The following CSMD1 variants were observed in gnomAD, a reference collection of about 807,000 sequenced individuals.
CSMD1 encodes the protein CUB and Sushi multiple domains 1, also known as CUB and sushi domain-containing protein 1.
CSMD1 carries 213 observed loss-of-function variants against 417.5 expected under a neutral mutation model. That is an observed-to-expected ratio of 0.51 (90% CI 0.46 to 0.57). The LOEUF (loss-of-function observed/expected upper bound fraction) is 0.57. Ranked by LOEUF, CSMD1 falls within the 20% of genes least tolerant of loss-of-function variation. The probability of loss-of-function intolerance (pLI) is 0.00; values close to 1 mark genes in which losing one functional copy is unlikely to be tolerated. For synonymous variants in CSMD1, 2,862 were observed against 1,736.8 expected (o/e 1.65, Z -16.11); for missense variants, 6,923 against 4,529.7 (o/e 1.53, Z -15.17).
intron 6 of CSMD1, among the ~76,000 whole-genome samples, chr8:3,720,898 C>A (rs1209931878): frequency 6.6e-6 from 1 of 152,076 alleles, no homozygotes; most frequent in Admixed American, 6.5e-5. Flanking sequence ...TGCATGCAAC[C>A]TCCGCTTCCC....
chr8:3,552,793 A>G (rs933552212), intron 10 of CSMD1, among the ~76,000 whole-genome samples: 2 of 152,206 alleles, frequency 1.3e-5, no homozygotes, highest in African/African-American at 4.8e-5. Context: ...AATACAGAAG[A>G]CTAAGAACCA....
At chr8:4,963,732 C>T (rs1809670678) in intron 1 of CSMD1, among the ~76,000 whole-genome samples, 1 of 152,148 alleles carries the variant, frequency 6.6e-6, no homozygotes, top group African/African-American at 2.4e-5. Context: ...TTTTAACACT[C>T]AACTCAAGTT....
chr8:3,928,666 G>A (rs986270221), intron 5 of CSMD1, among the ~76,000 whole-genome samples: 1 of 142,918 alleles, frequency 7.0e-6, no homozygotes, highest in Admixed American at 6.7e-5. Flanking sequence ...GTTTAAAGAA[G>A]GTATAGATTT....
rs576143884 is a variant in CSMD1 at position 4,715,708 on chromosome 8, C to A, written c.86-78150G>T. ...CCCTTCTAGGCGTTCAACTCAAACA[C>A]CAAGGTATCACCCTCAGCCCCTCTC... is the stretch of plus-strand genomic sequence containing the variant. On this transcript the variant is annotated intron_variant, in intron 1 of 69. Transcript: ENST00000635120. Among the ~76,000 whole-genome samples, 8 of 152,238 alleles carry A rather than the reference C, an allele frequency of 5.3e-5. No individual in the cohort carries two copies. The East Asian group carries it at 1.5e-3, about 29-fold the overall frequency.
intron 23 of CSMD1, among the ~76,000 whole-genome samples, chr8:3,313,290 G>C (rs10217058): frequency 6.6e-6 from 1 of 151,978 alleles, no homozygotes; most frequent in East Asian, 1.9e-4. Flanking sequence ...AAACTAACGA[G>C]GTTCTGCACA....
chr8:3,138,290 G>A (rs867525099), intron 41 of CSMD1, among the ~76,000 whole-genome samples: 1 of 152,168 alleles, frequency 6.6e-6, no homozygotes, highest in Admixed American at 6.5e-5. Flanking sequence ...TCTGGTTCCA[G>A]GTTGGGATGG....
intron 2 of CSMD1, among the ~76,000 whole-genome samples, chr8:4,505,608 A>G (rs1416042521): frequency 6.6e-6 from 1 of 152,124 alleles, no homozygotes; most frequent in African/African-American, 2.4e-5. Flanking sequence ...TGTGCTTTTC[A>G]GAGAGAAGTT....
intron 1 of CSMD1, among the ~76,000 whole-genome samples, chr8:4,956,299 C>T (rs1809106809): frequency 6.6e-6 from 1 of 151,502 alleles, no homozygotes; most frequent in African/African-American, 2.4e-5. Flanking sequence ...AATTTTAAAA[C>T]ATTTAATAGC....
At chr8:2,951,077 C>T in intron 66 of CSMD1, 37 bp downstream of exon 66, 3 of 1,592,296 alleles carry the variant, frequency 1.9e-6, no homozygotes, top group Non-Finnish European at 2.6e-6. Context: ...TCTATTTCTG[C>T]TCACACCATG....
intron 10 of CSMD1, among the ~76,000 whole-genome samples, chr8:3,509,522 G>A (rs1016836152): frequency 2.0e-5 from 3 of 152,120 alleles, no homozygotes; most frequent in Non-Finnish European, 4.4e-5. Context: ...GAAGAAGGTA[G>A]GCTATTCTAC....
chr8:3,845,265 T>C lies in CSMD1; in HGVS notation c.819-91223A>G, dbSNP rs182082420. 5.9e-5 allele frequency among the ~76,000 whole-genome samples: 9 copies of C among 152,310 alleles called. No individual in the cohort carries two copies. In the East Asian group the frequency reaches 1.5e-3, roughly 26 times the overall value. ...AACACATAGTTTGCTGATTTGTCCT[T>C]GTGCAAATATCGTAGAGTGAACTCA... On this transcript the variant is annotated intron_variant, in intron 5 of 69. Transcript: ENST00000635120.
intron 5 of CSMD1, among the ~76,000 whole-genome samples, chr8:3,966,901 T>G (rs765573440): frequency 2.6e-5 from 4 of 152,238 alleles, no homozygotes; most frequent in Admixed American, 6.5e-5. Context: ...TCAGTATGAC[T>G]TGAATGCCGA....
intron 10 of CSMD1, among the ~76,000 whole-genome samples, chr8:3,565,543 T>G (rs1014104713): frequency 6.6e-6 from 1 of 152,232 alleles, no homozygotes; most frequent in Non-Finnish European, 1.5e-5. Flanking sequence ...GGTTTCTATG[T>G]TAACCTTTTA....
chr8:4,574,718 C>T (rs528288832), intron 2 of CSMD1, among the ~76,000 whole-genome samples: 4 of 152,210 alleles, frequency 2.6e-5, no homozygotes, highest in Non-Finnish European at 5.9e-5. Flanking sequence ...CTTTTCAAAA[C>T]TAACCATAGA....
chr8:2,994,761 T>C (rs1275402509), intron 54 of CSMD1, among the ~76,000 whole-genome samples: 1 of 152,202 alleles, frequency 6.6e-6, no homozygotes, highest in East Asian at 1.9e-4. Flanking sequence ...ATTTTTAATT[T>C]TTTTATTTTG....
chr8:3,564,462 C>G (rs555241545), intron 10 of CSMD1, among the ~76,000 whole-genome samples: 76 of 150,522 alleles, frequency 5.0e-4, no homozygotes, highest in Middle Eastern at 3.4e-3. Flanking sequence ...TAACACTTTA[C>G]GTTGTACACT....
chr8:4,200,573 C>A (rs1389265089), intron 3 of CSMD1, among the ~76,000 whole-genome samples: 1 of 149,368 alleles, frequency 6.7e-6, no homozygotes, highest in Non-Finnish European at 1.5e-5. Flanking sequence ...AATTATAAAT[C>A]TTGGCGGGCC....
At chr8:4,541,333 G>C (rs193123168) in intron 2 of CSMD1, among the ~76,000 whole-genome samples, 78 of 152,310 alleles carry the variant, frequency 5.1e-4, no homozygotes, top group Non-Finnish European at 9.0e-4. Context: ...AGCAATTACA[G>C]TGGGTACTGC....
At chr8:4,449,765 G>A (rs955155031) in intron 2 of CSMD1, among the ~76,000 whole-genome samples, 25 of 152,112 alleles carry the variant, frequency 1.6e-4, no homozygotes, top group African/African-American at 6.0e-4. Context: ...GTGGCAAGCA[G>A]TTGGGAGCAG....
Sources: gnomAD v4.1 joint callset for allele counts (sites outside exome capture counted in the v4.1 genomes callset) on GRCh38, gnomAD v4.1.1 for gene constraint, MANE v1.5 for transcripts, NCBI Gene and HGNC (gene_info 2026-07-23, HGNC 2026-07-21) for gene names.